PRSS38: variants seen among roughly 807,000 people sequenced by gnomAD.
The protein encoded by PRSS38 is serine protease 38.
A neutral mutation model predicts 26.8 loss-of-function variants in PRSS38; 22 were observed. The observed-to-expected ratio is 0.82, with a 90% CI of 0.59 to 1.17. The LOEUF (loss-of-function observed/expected upper bound fraction) is 1.17, where lower values mean the gene tolerates loss of function less well. PRSS38 is among the 50% of genes most tolerant of loss of function. The pLI is 0.00. For synonymous variants in PRSS38, 175 were observed against 172.1 expected (o/e 1.02, Z -0.13); for missense variants, 427 against 422.7 (o/e 1.01, Z -0.09).
intron 2 of PRSS38, 125 bp from the exon 3 acceptor site, chr1:227,817,084 C>T: frequency 2.0e-6 from 2 of 1,008,866 alleles, no homozygotes; most frequent in Non-Finnish European, 3.0e-6. Flanking sequence ...TACTATGCTG[C>T]AGGAAGAAAC....
At chr1:227,815,834 A>T in exon 1 of PRSS38, 1 of 1,611,340 alleles carries the variant, frequency 6.2e-7, no homozygotes. Flanking sequence ...ACAGCCAGAG[A>T]ACCAGGGAAT....
chr1:227,829,986 CT>C (rs1371000661), intron 3 of PRSS38, among the ~76,000 whole-genome samples: 37 of 152,090 alleles, frequency 2.4e-4, no homozygotes, highest in African/African-American at 8.9e-4. Flanking sequence ...TCTTTGGTTC[CT>C]AGTTTGTTGA....
At chr1:227,817,221 C>A (rs748238632) in exon 3 of PRSS38, 2 of 1,613,218 alleles carry the variant, frequency 1.2e-6, no homozygotes, top group Non-Finnish European at 8.5e-7. Flanking sequence ...ACAAGAATAT[C>A]AAAATCTATG....
intron 3 of PRSS38, among the ~76,000 whole-genome samples, chr1:227,823,168 C>T (rs915346378): frequency 2.0e-5 from 3 of 152,058 alleles, no homozygotes; most frequent in African/African-American, 7.2e-5. Context: ...AGCTCCCACT[C>T]ATAAGTGAGA....
intron 3 of PRSS38, among the ~76,000 whole-genome samples, chr1:227,838,949 T>A (rs1665276740): frequency 6.6e-6 from 1 of 152,188 alleles, no homozygotes. Context: ...CCTCCCAAAG[T>A]GCTGGGATTA....
At chr1:227,817,227 C>A in exon 3 of PRSS38, 1 of 1,613,722 alleles carries the variant, frequency 6.2e-7, no homozygotes, top group Non-Finnish European at 8.5e-7. Flanking sequence ...ATATCAAAAT[C>A]TATGACATGT....
intron 3 of PRSS38, among the ~76,000 whole-genome samples, chr1:227,828,961 A>G (rs1313723354): frequency 6.6e-6 from 1 of 151,994 alleles, no homozygotes. Flanking sequence ...TTCATGGGAG[A>G]AGTGTGGTTT....
At chr1:227,831,051 T>A (rs908569827) in intron 3 of PRSS38, among the ~76,000 whole-genome samples, 13 of 152,128 alleles carry the variant, frequency 8.5e-5, no homozygotes, top group African/African-American at 2.7e-4. Context: ...CTCTCATTTT[T>A]CTTATTTTCT....
chr1:227,838,530 G>A (rs1216614507), intron 3 of PRSS38, among the ~76,000 whole-genome samples: 1 of 152,206 alleles, frequency 6.6e-6, no homozygotes, highest in Non-Finnish European at 1.5e-5. Flanking sequence ...CTAAGGTTTC[G>A]AATGATCCAT....
At chr1:227,830,416 T>C (rs567155597) in intron 3 of PRSS38, among the ~76,000 whole-genome samples, 1 of 151,886 alleles carries the variant, frequency 6.6e-6, no homozygotes, top group East Asian at 1.9e-4. Flanking sequence ...ACTTTATGTA[T>C]TTATTATTGT....
chr1:227,827,658 AT>A (rs78401003), intron 3 of PRSS38, among the ~76,000 whole-genome samples: 71,022 of 149,022 alleles, frequency 0.48, 18,128 homozygotes, highest in Middle Eastern at 0.59. Flanking sequence ...GAATTCATTG[AT>A]TTTTTGAAGG....
chr1:227,839,513 A>G (rs1469663035), intron 3 of PRSS38, among the ~76,000 whole-genome samples: 1 of 144,542 alleles, frequency 6.9e-6, no homozygotes, highest in African/African-American at 2.5e-5. Flanking sequence ...TGTCTCAAGG[A>G]AAAAAAAAAA....
chr1:227,829,345 G>A (rs575135892), intron 3 of PRSS38, among the ~76,000 whole-genome samples: 16 of 151,938 alleles, frequency 1.1e-4, no homozygotes, highest in South Asian at 2.1e-4. Context: ...AGTGTGAGAC[G>A]GTATCTCACT....
exon 3 of PRSS38, chr1:227,817,367 A>T (rs1243904494): frequency 6.2e-7 from 1 of 1,614,204 alleles, no homozygotes; most frequent in South Asian, 1.1e-5. Context: ...GTGCAGCTGA[A>T]GACCCGCATT....
intron 3 of PRSS38, among the ~76,000 whole-genome samples, chr1:227,820,474 T>A (rs1664987300): frequency 6.6e-6 from 1 of 152,236 alleles, no homozygotes; most frequent in Admixed American, 6.5e-5. Flanking sequence ...ATGAAGTTTT[T>A]CTACATCAAT....
At chr1:227,817,537 G>C in intron 3 of PRSS38, 57 bp downstream of exon 3, 1 of 1,572,110 alleles carries the variant, frequency 6.4e-7, no homozygotes, top group Non-Finnish European at 8.7e-7. Context: ...TCCACCACAG[G>C]GAAGAAAATG....
intron 3 of PRSS38, among the ~76,000 whole-genome samples, chr1:227,826,718 G>GAA (rs376281996): frequency 1.4e-5 from 2 of 142,188 alleles, no homozygotes; most frequent in Admixed American, 7.0e-5. Flanking sequence ...TCCATCTCAA[G>GAA]AAAAAAAAAA....
At chr1:227,828,660 A>C (rs1227394130) in intron 3 of PRSS38, among the ~76,000 whole-genome samples, 1 of 152,220 alleles carries the variant, frequency 6.6e-6, no homozygotes, top group Non-Finnish European at 1.5e-5. Context: ...TGGATGAAGA[A>C]GGGTCCTCAA....
chr1:227,843,879 G>A (rs527870252), intron 3 of PRSS38, among the ~76,000 whole-genome samples: 2 of 152,112 alleles, frequency 1.3e-5, no homozygotes, highest in East Asian at 1.9e-4. Flanking sequence ...AGTTAGCCGG[G>A]TGTGGTGGTG....
Sources: gnomAD v4.1 joint callset for allele counts (sites outside exome capture counted in the v4.1 genomes callset) on GRCh38, gnomAD v4.1.1 for gene constraint, MANE v1.5 for transcripts, NCBI Gene and HGNC (gene_info 2026-07-23, HGNC 2026-07-21) for gene names.